PTPRD: variants seen among roughly 807,000 people sequenced by gnomAD.
PTPRD encodes the protein receptor-type tyrosine-protein phosphatase delta.
A neutral mutation model predicts 214.5 loss-of-function variants in PTPRD; 34 were observed. That is an observed-to-expected ratio of 0.16 (90% confidence interval 0.12 to 0.21). PTPRD has a LOEUF of 0.21. PTPRD is among the 10% of genes least tolerant of loss of function. The pLI is 1.00. For missense variants in PTPRD, 2,545 were observed against 2,398.7 expected (o/e 1.06, Z -1.27); for synonymous variants, 1,128 against 845.7 (o/e 1.33, Z -5.79).
At chr9:9,015,540 T>C (rs933795814) in intron 11 of PTPRD, among the ~76,000 whole-genome samples, 3 of 152,178 alleles carry the variant, frequency 2.0e-5, no homozygotes, top group Non-Finnish European at 4.4e-5. Context: ...GGCAACCAGC[T>C]GCCTTCAGGG....
At chr9:9,756,466 G>C (rs1297566211) in intron 6 of PTPRD, among the ~76,000 whole-genome samples, 1 of 151,988 alleles carries the variant, frequency 6.6e-6, no homozygotes, top group Non-Finnish European at 1.5e-5. Flanking sequence ...CACCATATAA[G>C]GTAAAAGCCA....
At chr9:9,947,570 AT>A (rs2092916508) in intron 4 of PTPRD, among the ~76,000 whole-genome samples, 1 of 48,398 alleles carries the variant, frequency 2.1e-5, no homozygotes, top group African/African-American at 1.2e-4. Context: ...TATTTTATAT[AT>A]ATATTATATA....
At chr9:8,504,467 T>C in intron 22 of PTPRD, 62 bp from the exon 23 acceptor site, 1 of 1,568,586 alleles carries the variant, frequency 6.4e-7, no homozygotes, top group Non-Finnish European at 8.8e-7. Context: ...TTTTTAATCA[T>C]ACTGTCTGGA....
In PTPRD at chr9:9,017,805, G is replaced by A. The variant is rs375990941; in HGVS notation, c.-104+892C>T. 5.9e-4 allele frequency among the ~76,000 whole-genome samples: 90 copies of A among 152,106 alleles called. 2 individuals are homozygous for A. The East Asian group carries it at 0.01, about 17-fold the overall frequency. ...CCATTCAAGTTGTAGTTTAAATTAC[G>A]TAAATTGTCAAATAAGTGAAAAAGC... On this transcript the variant is annotated intron_variant, in intron 11 of 45. Coordinates refer to ENST00000381196, the MANE Select transcript of PTPRD (RefSeq NM_002839.4).
At chr9:10,442,935 A>G (rs1022032307) in intron 2 of PTPRD, among the ~76,000 whole-genome samples, 2 of 151,464 alleles carry the variant, frequency 1.3e-5, no homozygotes, top group Admixed American at 6.6e-5. Flanking sequence ...TGATTGTTGT[A>G]TGTGTAGAAA....
At chr9:9,184,993 A>T (rs192690088) in intron 9 of PTPRD, among the ~76,000 whole-genome samples, 1 of 152,186 alleles carries the variant, frequency 6.6e-6, no homozygotes, top group East Asian at 1.9e-4. Flanking sequence ...GAACACATCA[A>T]AATATGCTTG....
intron 14 of PTPRD, among the ~76,000 whole-genome samples, chr9:8,540,501 G>C (rs1473263414): frequency 6.6e-6 from 1 of 152,072 alleles, no homozygotes; most frequent in African/African-American, 2.4e-5. Flanking sequence ...AAAAGAAAAT[G>C]TGAGAAATCA....
intron 10 of PTPRD, among the ~76,000 whole-genome samples, chr9:9,130,564 T>A (rs2099841082): frequency 6.6e-6 from 1 of 152,166 alleles, no homozygotes; most frequent in Non-Finnish European, 1.5e-5. Context: ...GAATCCTGCA[T>A]AAAAAGTGTT....
At chr9:10,495,234 T>G (rs1333221505) in intron 2 of PTPRD, among the ~76,000 whole-genome samples, 1 of 151,734 alleles carries the variant, frequency 6.6e-6, no homozygotes, top group Non-Finnish European at 1.5e-5. Context: ...TGTGTTAGAA[T>G]TAAAGGAGTG....
chr9:8,860,555 C>G (rs1485450991), intron 11 of PTPRD: 1 of 152,168 alleles, frequency 6.6e-6, no homozygotes, highest in East Asian at 1.9e-4. Context: ...ACGGGAGATA[C>G]AGCAAATAGA....
In PTPRD at chr9:8,647,435, A is replaced by G. The variant is rs558657374; in HGVS notation, c.65-10591T>C. 1.2e-4 allele frequency among the ~76,000 whole-genome samples: 18 copies of G among 152,268 alleles called. No homozygotes were observed. In the South Asian group the frequency reaches 3.1e-3, roughly 26 times the overall value. On this transcript the variant is annotated intron_variant, in intron 12 of 45. Transcript: ENST00000381196. ...GGTTATATCGTACCATTATTTTGTA[A>G]CCAACGTTTCATTTAGAATATACTG...
At chr9:10,292,958 T>C (rs1342724351) in intron 3 of PTPRD, among the ~76,000 whole-genome samples, 4 of 151,984 alleles carry the variant, frequency 2.6e-5, no homozygotes. Context: ...CCCACTTTTG[T>C]ATTCCAGATG....
At chr9:10,405,281 G>C (rs1002874467) in intron 2 of PTPRD, among the ~76,000 whole-genome samples, 1 of 151,648 alleles carries the variant, frequency 6.6e-6, no homozygotes, top group African/African-American at 2.4e-5. Context: ...ATCTTGGTTT[G>C]ATTATGGCAT....
intron 11 of PTPRD, among the ~76,000 whole-genome samples, chr9:8,786,033 T>TTCTGTGTG (rs148848994): frequency 2.0e-4 from 28 of 143,224 alleles, no homozygotes; most frequent in East Asian, 6.5e-4. Context: ...GCTTAATTTG[T>TTCTGTGTG]TGTGTGTGTG....
intron 9 of PTPRD, among the ~76,000 whole-genome samples, chr9:9,259,954 G>T (rs2099979390): frequency 6.6e-6 from 1 of 151,858 alleles, no homozygotes; most frequent in Non-Finnish European, 1.5e-5. Context: ...GCTGGACAAT[G>T]CTTAGTGACT....
intron 9 of PTPRD, among the ~76,000 whole-genome samples, chr9:9,318,068 A>T (rs201317224): frequency 6.6e-6 from 1 of 151,934 alleles, no homozygotes; most frequent in Admixed American, 6.6e-5. Flanking sequence ...CTACTTGGGA[A>T]GCTGAGGCAG....
chr9:8,511,293 C>T (rs1027852268), intron 21 of PTPRD, among the ~76,000 whole-genome samples: 3 of 152,034 alleles, frequency 2.0e-5, no homozygotes, highest in African/African-American at 7.2e-5. Flanking sequence ...GTTGTCTGAA[C>T]TTCCTGGGCT....
intron 11 of PTPRD, among the ~76,000 whole-genome samples, chr9:9,010,702 C>G (rs2099508175): frequency 6.6e-6 from 1 of 152,076 alleles, no homozygotes; most frequent in African/African-American, 2.4e-5. Flanking sequence ...CAGGATGATC[C>G]TTGATCCTTT....
chr9:9,583,820 C>T (rs1393538870), intron 7 of PTPRD, among the ~76,000 whole-genome samples: 3 of 152,010 alleles, frequency 2.0e-5, no homozygotes, highest in Non-Finnish European at 4.4e-5. Flanking sequence ...TTATGACTAG[C>T]GGGTCCTTAT....
Sources: gnomAD v4.1 joint callset for allele counts (sites outside exome capture counted in the v4.1 genomes callset) on GRCh38, gnomAD v4.1.1 for gene constraint, MANE v1.5 for transcripts, NCBI Gene and HGNC (gene_info 2026-07-23, HGNC 2026-07-21) for gene names.